The following SLC4A4 variants were observed in gnomAD, a reference collection of about 807,000 sequenced individuals.
SLC4A4 encodes the protein solute carrier family 4 member 4, also known as electrogenic sodium bicarbonate cotransporter 1.
A neutral mutation model predicts 111.5 loss-of-function variants in SLC4A4; 27 were observed. The ratio of observed to expected loss-of-function variants is 0.24; its 90% CI spans 0.18 to 0.33. The LOEUF (loss-of-function observed/expected upper bound fraction) is 0.33, where lower values mean the gene tolerates loss of function less well. SLC4A4 is among the 10% of genes least tolerant of loss of function. The pLI, the probability that SLC4A4 is intolerant of heterozygous loss-of-function variation, is 1.00. For synonymous variants in SLC4A4, 443 were observed against 463.4 expected (o/e 0.96, Z 0.57); for missense variants, 909 against 1,315.5 (o/e 0.69, Z 4.78).
intron 15 of SLC4A4, among the ~76,000 whole-genome samples, chr4:71,487,999 G>T (rs1729576682): frequency 6.6e-6 from 1 of 151,472 alleles, no homozygotes; most frequent in Admixed American, 6.6e-5. Flanking sequence ...CATACAGAAA[G>T]GAGTTCAACT....
chr4:71,428,053 A>G (rs897155475), intron 7 of SLC4A4, among the ~76,000 whole-genome samples: 11 of 152,152 alleles, frequency 7.2e-5, no homozygotes, highest in Admixed American at 3.9e-4. Context: ...TCAAACTCTA[A>G]TTCATCAAAT....
rs71212000 is a variant in SLC4A4 at position 71,196,834 on chromosome 4, C to CAA, written c.-2+9472_-2+9473dup. Among the ~76,000 whole-genome samples the CAA allele has an allele frequency of 5.4e-4, 11 of 20,328 alleles. 4 individuals are homozygous for CAA. The highest frequency in any genetic ancestry group is 3.9e-3 in the East Asian group (2 of 514). 13.3% of individuals were successfully genotyped at this position (20,328 alleles called of 152,430 possible). On this transcript the variant is annotated intron_variant, in intron 1 of 25. Coordinates refer to ENST00000264485, the MANE Select transcript of SLC4A4 (RefSeq NM_001098484.3). ...GGGTGACAGAGCAAGACTCTGTCTC[C>CAA]AAAAAAAAAAAAAAAAAAAAAAAAA... is the stretch of plus-strand genomic sequence containing the variant.
At chr4:71,362,342 A>C (rs1274965862) in intron 6 of SLC4A4, among the ~76,000 whole-genome samples, 2 of 152,208 alleles carry the variant, frequency 1.3e-5, no homozygotes, top group South Asian at 2.1e-4. Context: ...TTCAATAAAA[A>C]ATTGGAAAGA....
intron 7 of SLC4A4, among the ~76,000 whole-genome samples, chr4:71,432,775 A>G (rs1040777469): frequency 6.6e-6 from 1 of 152,048 alleles, no homozygotes; most frequent in African/African-American, 2.4e-5. Context: ...GAGCTTAGGG[A>G]TTAGTTCTCA....
intron 2 of SLC4A4, among the ~76,000 whole-genome samples, chr4:71,119,228 A>C (rs1369419687): frequency 6.6e-6 from 1 of 152,168 alleles, no homozygotes; most frequent in African/African-American, 2.4e-5. Context: ...CCTAAAACAT[A>C]GTCTATTAAG....
chr4:71,192,722 A>G (rs1745789245), intron 1 of SLC4A4, among the ~76,000 whole-genome samples: 1 of 152,024 alleles, frequency 6.6e-6, no homozygotes, highest in African/African-American at 2.4e-5. Context: ...TGGTCAGAAA[A>G]TTGTATGTCA....
intron 6 of SLC4A4, among the ~76,000 whole-genome samples, chr4:71,381,644 G>A (rs964091270): frequency 6.6e-6 from 1 of 152,054 alleles, no homozygotes; most frequent in East Asian, 1.9e-4. Context: ...ACTATTCTTT[G>A]CTCACTACTC....
intron 7 of SLC4A4, among the ~76,000 whole-genome samples, chr4:71,425,407 C>T (rs1233711743): frequency 1.3e-5 from 2 of 152,124 alleles, no homozygotes; most frequent in Non-Finnish European, 2.9e-5. Flanking sequence ...ATGAGTCTTC[C>T]TTCTCTTCTA....
chr4:71,507,368 C>T lies in SLC4A4; in HGVS notation c.2166+9676C>T, dbSNP rs141184166. On this transcript the variant is annotated intron_variant, in intron 16 of 25. Coordinates refer to ENST00000264485, the MANE Select transcript of SLC4A4 (RefSeq NM_001098484.3). Reference sequence around the variant, plus strand: ...GAGACCAATCTCACATGCAAAGACACACATAGGCTTAAAATAAAAGGATGG... The same window carrying T: ...GAGACCAATCTCACATGCAAAGACATACATAGGCTTAAAATAAAAGGATGG... 7.9e-3 allele frequency among the ~76,000 whole-genome samples: 1,200 copies of T among 152,182 alleles called. 21 individuals are homozygous for T. The highest frequency in any genetic ancestry group is 0.027 in the African/African-American group (1,119 of 41,512).
chr4:71,292,275 G>C (rs905800332), intron 3 of SLC4A4, among the ~76,000 whole-genome samples: 2 of 152,142 alleles, frequency 1.3e-5, no homozygotes, highest in African/African-American at 4.8e-5. Context: ...GGTTGAGAAA[G>C]AATGAAGGTA....
At chr4:71,389,421 C>G (rs1450251959) in intron 6 of SLC4A4, among the ~76,000 whole-genome samples, 1 of 152,182 alleles carries the variant, frequency 6.6e-6, no homozygotes, top group African/African-American at 2.4e-5. Flanking sequence ...TTCTCTACCC[C>G]AGCCTCTCCT....
chr4:71,439,831 G>C lies in SLC4A4; in HGVS notation c.808-785G>C, dbSNP rs557240134. Among the ~76,000 whole-genome samples the C allele has an allele frequency of 3.0e-3, 448 of 151,372 alleles. 3 individuals carry two copies. Among genetic ancestry groups the C allele is most frequent in the South Asian group, 0.016 (76 of 4,780 alleles). On this transcript the variant is annotated intron_variant, in intron 7 of 25. Coordinates refer to ENST00000264485, the MANE Select transcript of SLC4A4 (RefSeq NM_001098484.3). The stretch of plus-strand genomic sequence containing the variant: ...CTCCGTCTTTCTGCTTGGGCTTTTG[G>C]TAGGTAATTCCTGCCTAAAACTTCC...
intron 2 of SLC4A4, among the ~76,000 whole-genome samples, chr4:71,150,474 A>G (rs1221734099): frequency 6.6e-6 from 1 of 152,170 alleles, no homozygotes; most frequent in Non-Finnish European, 1.5e-5. Context: ...GAACTAAGCC[A>G]GTAAATACAG....
rs546436377 is a variant in SLC4A4, at chr4:71,529,819, A to G, written c.2167-2243A>G. ...GATATTTGTGTTGCCCACTAGTTGC[A>G]TTTTCTAGGTGAGGATTGTAAGGGT... is the stretch of plus-strand genomic sequence containing the variant. On this transcript the variant is annotated intron_variant, in intron 16 of 25. Coordinates refer to ENST00000264485, the MANE Select transcript of SLC4A4 (RefSeq NM_001098484.3). Among the ~76,000 whole-genome samples the G allele has an allele frequency of 2.6e-5, 4 of 152,222 alleles. No homozygotes were observed. In the East Asian group the frequency reaches 7.7e-4, roughly 29 times the overall value.
intron 2 of SLC4A4, among the ~76,000 whole-genome samples, chr4:71,241,016 G>T (rs1720172339): frequency 6.6e-6 from 1 of 152,040 alleles, no homozygotes; most frequent in Non-Finnish European, 1.5e-5. Context: ...CTACTCAGGA[G>T]GTTGAGGTGG....
At chr4:71,405,186 T>G (rs970561394) in intron 7 of SLC4A4, among the ~76,000 whole-genome samples, 3 of 152,092 alleles carry the variant, frequency 2.0e-5, no homozygotes, top group Admixed American at 2.0e-4. Context: ...TTTAGAATTT[T>G]CTGATTCAAA....
intron 2 of SLC4A4, among the ~76,000 whole-genome samples, chr4:71,250,889 T>A (rs1278346141): frequency 1.3e-5 from 2 of 152,156 alleles, no homozygotes; most frequent in African/African-American, 4.8e-5. Flanking sequence ...AGTTAAATGG[T>A]TATAATGTCC....
intron 2 of SLC4A4, among the ~76,000 whole-genome samples, chr4:71,242,792 T>A (rs566392971): frequency 6.6e-6 from 1 of 152,046 alleles, no homozygotes; most frequent in Non-Finnish European, 1.5e-5. Context: ...TTATAATCTT[T>A]TCTACAAATC....
chr4:71,559,017 C>A (rs1435367079), intron 22 of SLC4A4, among the ~76,000 whole-genome samples: 1 of 151,854 alleles, frequency 6.6e-6, no homozygotes, highest in Non-Finnish European at 1.5e-5. Flanking sequence ...CAATAAATCA[C>A]TTTTTGCTTG....
Sources: allele counts gnomAD v4.1 joint callset (sites outside exome capture counted in the v4.1 genomes callset), GRCh38; gene constraint gnomAD v4.1.1; transcripts MANE v1.5; gene names NCBI Gene and HGNC (gene_info 2026-07-23, HGNC 2026-07-21).